Variants in DAB1 observed in about 807,000 individuals in gnomAD.
The protein encoded by DAB1 is disabled homolog 1.
A neutral mutation model predicts 64.6 loss-of-function variants in DAB1; 15 were observed. The ratio of observed to expected loss-of-function variants is 0.23; its 90% confidence interval spans 0.16 to 0.36. DAB1 has a LOEUF of 0.36. Among genes scored for constraint, DAB1 ranks in the 10% least tolerant of loss-of-function variants. The pLI, the probability that DAB1 is intolerant of heterozygous loss-of-function variation, is 1.00. For synonymous variants in DAB1, 235 were observed against 251.9 expected, an observed-to-expected ratio of 0.93 and a Z score of 0.64; for missense variants, 596 against 706.7, an observed-to-expected ratio of 0.84 and a Z score of 1.78.
intron 7 of DAB1, among the ~76,000 whole-genome samples, chr1:57,614,577 G>A (rs1249400172): frequency 6.6e-6 from 1 of 152,152 alleles, no homozygotes; most frequent in Non-Finnish European, 1.5e-5. Context: ...GAGTAAGTAA[G>A]TCCTTTCTTC....
chr1:58,149,307 A>G (rs1285362418), intron 5 of DAB1, among the ~76,000 whole-genome samples: 1 of 152,150 alleles, frequency 6.6e-6, no homozygotes, highest in Non-Finnish European at 1.5e-5. Context: ...ATAAGTGTTG[A>G]TTATTATCAT....
intron 1 of DAB1, among the ~76,000 whole-genome samples, chr1:57,313,036 G>T (rs907920067): frequency 6.6e-6 from 1 of 152,120 alleles, no homozygotes; most frequent in Non-Finnish European, 1.5e-5. Flanking sequence ...GGAAAAGAAG[G>T]TTTTGTGCAT....
intron 4 of DAB1, among the ~76,000 whole-genome samples, chr1:58,237,045 T>TCAGTAAC (rs1553169490): frequency 6.6e-6 from 1 of 151,746 alleles, no homozygotes; most frequent in Admixed American, 6.6e-5. Flanking sequence ...TTCCACAAAA[T>TCAGTAAC]AAAAAATGCT....
intron 5 of DAB1, among the ~76,000 whole-genome samples, chr1:58,119,606 C>G (rs965045405): frequency 1.3e-5 from 2 of 152,046 alleles, no homozygotes; most frequent in African/African-American, 4.8e-5. Flanking sequence ...CAGGGCCTGA[C>G]CTGGAAACCT....
At chr1:58,229,287 C>A (rs746969826) in intron 4 of DAB1, among the ~76,000 whole-genome samples, 28 of 152,104 alleles carry the variant, frequency 1.8e-4, no homozygotes, top group Non-Finnish European at 4.0e-4. Context: ...AAAATTGTTA[C>A]CATTTTGTGA....
At chr1:57,223,776 T>G (rs1667059284) in intron 2 of DAB1, among the ~76,000 whole-genome samples, 1 of 152,142 alleles carries the variant, frequency 6.6e-6, no homozygotes, top group African/African-American at 2.4e-5. Flanking sequence ...GTGGTCAATA[T>G]GCCAATCATG....
At chr1:57,841,298 C>G (rs1446947654) in intron 1 of DAB1, among the ~76,000 whole-genome samples, 2 of 152,218 alleles carry the variant, frequency 1.3e-5, no homozygotes, top group African/African-American at 4.8e-5. Flanking sequence ...CTTTCATGGG[C>G]TGGCATTGAG....
rs776840143 is a variant in DAB1, at chr1:57,072,268, G to A, written c.438+15C>T. 1 of 1,612,616 alleles carries A rather than the reference G, an allele frequency of 6.2e-7. No homozygotes were observed. Among genetic ancestry groups the A allele is most frequent in the East Asian group, 2.2e-5 (1 of 44,820 alleles). On this transcript the variant is annotated intron_variant, in intron 5 of 14. Transcript: ENST00000371236. The stretch of plus-strand genomic sequence containing the variant: ...GTTCCAAGGAAAGACTCCCTTCTTG[G>A]ATAGGGATACTCACCGCCTGGGCTG...
In DAB1 at chr1:57,092,389, T is replaced by C. The variant is rs532583454; in HGVS notation, c.307-19975A>G. Among the ~76,000 whole-genome samples the C allele has an allele frequency of 2.6e-5, 4 of 152,066 alleles. No homozygotes were observed. In the South Asian group the frequency reaches 8.3e-4, roughly 32 times the overall value. ...GTTGAGGGAGGGACCTGGTAGGAAG[T>C]GATTGGATCATGGGGGTGGTTATCC... On this transcript the variant is annotated intron_variant, in intron 4 of 14. Coordinates refer to ENST00000371236, the MANE Select transcript of DAB1 (RefSeq NM_001365792.1).
intron 2 of DAB1, among the ~76,000 whole-genome samples, chr1:57,177,345 AG>A (rs766851827): frequency 6.6e-6 from 1 of 152,190 alleles, no homozygotes; most frequent in Admixed American, 6.6e-5. Context: ...TAGGATAAAC[AG>A]GTTAATAAAC....
chr1:58,154,452 CTTCATTCATTCA>C (rs143773624), intron 4 of DAB1, among the ~76,000 whole-genome samples: 34 of 151,064 alleles, frequency 2.3e-4, no homozygotes, highest in Non-Finnish European at 3.2e-4. Context: ...TCATGCAGTT[CTTCATTCATTCA>C]TTCATTCATT....
chr1:57,439,490 G>A (rs1415097218), intron 7 of DAB1, among the ~76,000 whole-genome samples: 4 of 143,428 alleles, frequency 2.8e-5, no homozygotes, highest in East Asian at 4.2e-4. Context: ...GTGCAGTGGC[G>A]TGATCTAGGC....
At chr1:58,130,209 T>C (rs1170950616) in intron 5 of DAB1, among the ~76,000 whole-genome samples, 2 of 147,880 alleles carry the variant, frequency 1.4e-5, no homozygotes, top group Admixed American at 6.8e-5. Flanking sequence ...TACCATTATG[T>C]AATGGCCTTC....
intron 1 of DAB1, among the ~76,000 whole-genome samples, chr1:57,321,357 G>A (rs569125338): frequency 6.6e-6 from 1 of 152,252 alleles, no homozygotes; most frequent in Admixed American, 6.5e-5. Context: ...ACGGGAAGGA[G>A]TCAGCCCACC....
intron 4 of DAB1, among the ~76,000 whole-genome samples, chr1:58,221,967 G>A (rs547964845): frequency 1.1e-4 from 17 of 152,254 alleles, no homozygotes; most frequent in African/African-American, 4.1e-4. Flanking sequence ...CAGAATGCTG[G>A]CTGAATACAC....
At chr1:58,193,027 TA>T (rs1245358143) in intron 4 of DAB1, among the ~76,000 whole-genome samples, 2 of 152,208 alleles carry the variant, frequency 1.3e-5, no homozygotes, top group African/African-American at 4.8e-5. Flanking sequence ...TAATATTTAT[TA>T]TTTGCTATGG....
At chr1:57,622,754 G>A (rs1309522887) in intron 7 of DAB1, among the ~76,000 whole-genome samples, 1 of 152,186 alleles carries the variant, frequency 6.6e-6, no homozygotes, top group Admixed American at 6.5e-5. Context: ...ATTTTGTGAG[G>A]ACTAGATGGG....
intron 3 of DAB1, among the ~76,000 whole-genome samples, chr1:58,344,384 T>C (rs1389967043): frequency 6.6e-6 from 1 of 151,988 alleles, no homozygotes; most frequent in Non-Finnish European, 1.5e-5. Context: ...AATCACTTCA[T>C]TTTGAACTGT....
intron 4 of DAB1, among the ~76,000 whole-genome samples, chr1:58,225,144 G>A (rs1659395583): frequency 6.6e-6 from 1 of 151,976 alleles, no homozygotes; most frequent in East Asian, 1.9e-4. Flanking sequence ...ATCAAAAAGT[G>A]GGCGAAGGAT....
Sources: gnomAD v4.1 joint callset for allele counts (sites outside exome capture counted in the v4.1 genomes callset) on GRCh38, gnomAD v4.1.1 for gene constraint, MANE v1.5 for transcripts, NCBI Gene and HGNC (gene_info 2026-07-23, HGNC 2026-07-21) for gene names.